DNAJC6: variants seen among roughly 807,000 people sequenced by gnomAD.
DNAJC6 encodes auxilin.
A neutral mutation model predicts 110.0 loss-of-function variants in DNAJC6; 34 were observed. The ratio of observed to expected loss-of-function variants is 0.31; its 90% CI spans 0.24 to 0.41. The LOEUF is 0.41. DNAJC6 is among the 10% of genes least tolerant of loss of function. The pLI is 1.00. For missense variants in DNAJC6, 1,031 were observed against 1,207.8 expected, an observed-to-expected ratio of 0.85 and a Z score of 2.17; for synonymous variants, 406 against 437.2, an observed-to-expected ratio of 0.93 and a Z score of 0.89.
chr1:65,328,594 G>A (rs1219547764), intron 1 of DNAJC6, among the ~76,000 whole-genome samples: 1 of 152,198 alleles, frequency 6.6e-6, no homozygotes, highest in Admixed American at 6.5e-5. Flanking sequence ...TCACAGTCAA[G>A]GTACCAAACA....
intron 1 of DNAJC6, among the ~76,000 whole-genome samples, chr1:65,337,221 A>G (rs1645346045): frequency 6.7e-6 from 1 of 149,724 alleles, no homozygotes; most frequent in Non-Finnish European, 1.5e-5. Flanking sequence ...GGGGATATAC[A>G]ATGTGTGGTT....
chr1:65,383,389 C>T (rs557733295), intron 5 of DNAJC6, among the ~76,000 whole-genome samples: 4 of 152,276 alleles, frequency 2.6e-5, no homozygotes, highest in African/African-American at 9.6e-5. Context: ...ACCTCCTGAG[C>T]TTAGGCAATC....
At chr1:65,284,385 G>C (rs74424353) in intron 1 of DNAJC6, among the ~76,000 whole-genome samples, 1 of 152,172 alleles carries the variant, frequency 6.6e-6, no homozygotes, top group East Asian at 1.9e-4. Flanking sequence ...GCTCCCCAGG[G>C]TAGGGATTTA....
At chr1:65,300,669 C>T (rs1229327610) in intron 1 of DNAJC6, among the ~76,000 whole-genome samples, 1 of 152,224 alleles carries the variant, frequency 6.6e-6, no homozygotes, top group Non-Finnish European at 1.5e-5. Context: ...GGTAATCCTT[C>T]TCACGAAACC....
chr1:65,360,525 G>T (rs1328619686), intron 1 of DNAJC6, among the ~76,000 whole-genome samples: 1 of 152,028 alleles, frequency 6.6e-6, no homozygotes, highest in African/African-American at 2.4e-5. Flanking sequence ...ATATCAAAGG[G>T]GTGTTCAGGC....
At chr1:65,399,946 T>C (rs908540433) in intron 14 of DNAJC6, among the ~76,000 whole-genome samples, 9 of 152,124 alleles carry the variant, frequency 5.9e-5, no homozygotes, top group Admixed American at 2.6e-4. Flanking sequence ...TTTGGGAGGC[T>C]GATGTGGGAG....
At chr1:65,266,288 C>A (rs579360) in intron 1 of DNAJC6, among the ~76,000 whole-genome samples, 112,439 of 150,312 alleles carry the variant, frequency 0.75, 42,737 homozygotes, top group East Asian at 0.98. Flanking sequence ...GAAAAAAAAA[C>A]CCCACTCACA....
At chr1:65,302,081 TTA>T (rs1166262812) in intron 1 of DNAJC6, among the ~76,000 whole-genome samples, 4 of 57,486 alleles carry the variant, frequency 7.0e-5, no homozygotes, top group African/African-American at 4.5e-4. Context: ...ATAATACGTA[TTA>T]TATATATTAT....
rs745397501 is a variant in DNAJC6 at position 65,386,932 on chromosome 1, A to G, written c.1113+3A>G. ...TTGGGAGCCGGCTACAGGCTAAGGT[A>G]TGGTTTTTGGAAGAATCATGGCATA... On this transcript the variant is annotated splice_donor_region_variant and intron_variant, in intron 8 of 18. Transcript: ENST00000371069. 4 of 1,611,656 alleles carry G rather than the reference A, an allele frequency of 2.5e-6. No homozygotes were observed. The highest frequency in any genetic ancestry group is 3.4e-6 in the Non-Finnish European group (4 of 1,177,850).
At chr1:65,384,364 T>A in intron 6 of DNAJC6, 38 bp downstream of exon 6, 1 of 1,475,508 alleles carries the variant, frequency 6.8e-7, no homozygotes, top group Non-Finnish European at 9.0e-7. Context: ...ACAGATGTAG[T>A]CTAATTGGTA....
intron 1 of DNAJC6, among the ~76,000 whole-genome samples, chr1:65,343,339 C>G (rs1251501909): frequency 6.6e-6 from 1 of 152,174 alleles, no homozygotes; most frequent in Non-Finnish European, 1.5e-5. Context: ...AAGAGATAAA[C>G]AGTAGACTAC....
In DNAJC6 at chr1:65,302,254, ATAT is replaced by A. The variant is rs1225131361; in HGVS notation, c.-131+37326_-131+37328del. Among the ~76,000 whole-genome samples the A allele has an allele frequency of 5.8e-3, 123 of 21,214 alleles. 2 individuals are homozygous for A. In the South Asian group the frequency reaches 0.082, roughly 14 times the overall value. 13.9% of individuals were successfully genotyped at this position (21,214 alleles called of 152,430 possible). A position where few individuals can be genotyped will look rare whatever the true frequency, so the allele number is the denominator to read the frequency against. ...TATTATATTGATATATTAATATATAATATTATATATATTATATATTATATAATA... is the reference window on the plus strand; with the variant it reads ...TATTATATTGATATATTAATATATAATATATATATTATATATTATATAATA... On this transcript the variant is annotated intron_variant, in intron 1 of 19. Coordinates refer to the DNAJC6 transcript ENST00000263441.
chr1:65,310,208 G>A (rs1352893878), intron 1 of DNAJC6, among the ~76,000 whole-genome samples: 1 of 151,954 alleles, frequency 6.6e-6, no homozygotes, highest in African/African-American at 2.4e-5. Context: ...GCTGGGGGCG[G>A]GGAGGGGGAG....
At chr1:65,402,863 A>G (rs1646042860) in intron 15 of DNAJC6, among the ~76,000 whole-genome samples, 1 of 152,194 alleles carries the variant, frequency 6.6e-6, no homozygotes, top group Non-Finnish European at 1.5e-5. Context: ...CTTTCTTTGT[A>G]TCTTACTGAA....
chr1:65,398,931 A>T, intron 14 of DNAJC6, 50 bp downstream of exon 14: 1 of 1,586,436 alleles, frequency 6.3e-7, no homozygotes, highest in Non-Finnish European at 8.6e-7. Flanking sequence ...CAAAAGCATA[A>T]TCCTTACCCA....
At chr1:65,374,980 T>TTC (rs1485116343) in intron 4 of DNAJC6, among the ~76,000 whole-genome samples, 1 of 151,996 alleles carries the variant, frequency 6.6e-6, no homozygotes, top group African/African-American at 2.4e-5. Context: ...TGAGGATTTT[T>TTC]TTTTTTTTGA....
intron 2 of DNAJC6, 54 bp downstream of exon 2, chr1:65,364,839 T>C (rs964436296): frequency 3.8e-5 from 60 of 1,597,984 alleles, no homozygotes; most frequent in Non-Finnish European, 4.7e-5. Flanking sequence ...TCAAAGGATC[T>C]GGTTACCTGC....
intron 1 of DNAJC6, among the ~76,000 whole-genome samples, chr1:65,294,387 G>A (rs1644910006): frequency 6.6e-6 from 1 of 152,118 alleles, no homozygotes; most frequent in South Asian, 2.1e-4. Context: ...CTGGGCTTGG[G>A]ACTGATTAGT....
At chr1:65,345,453 C>T (rs553375547) in intron 1 of DNAJC6, among the ~76,000 whole-genome samples, 3 of 152,174 alleles carry the variant, frequency 2.0e-5, no homozygotes, top group African/African-American at 7.2e-5. Context: ...AAAACTGAGG[C>T]TTAGAGAGAT....
Sources: allele counts gnomAD v4.1 joint callset (sites outside exome capture counted in the v4.1 genomes callset), GRCh38; gene constraint gnomAD v4.1.1; transcripts MANE v1.5; gene names NCBI Gene and HGNC (gene_info 2026-07-23, HGNC 2026-07-21).